The following SIK2 variants were observed in gnomAD, a reference collection of about 807,000 sequenced individuals.
The protein encoded by SIK2 is salt inducible kinase 2.
In SIK2, 29 loss-of-function variants were observed where a neutral mutation model predicts 103.2. That is an observed-to-expected ratio of 0.28 (90% CI 0.21 to 0.38). The LOEUF is 0.38. SIK2 is among the 10% of genes least tolerant of loss of function. The pLI is 1.00. For missense variants in SIK2, 879 were observed against 1,171.0 expected, an observed-to-expected ratio of 0.75 and a Z score of 3.64; for synonymous variants, 412 against 446.1, an observed-to-expected ratio of 0.92 and a Z score of 0.96.
At position 111,703,438 on chromosome 11, in the gene SIK2, G is replaced by A. The variant is rs747300081; in HGVS notation, c.948+15G>A. 2 of 1,611,480 alleles carry A rather than the reference G, an allele frequency of 1.2e-6. No individual in the cohort carries two copies. Among genetic ancestry groups the A allele is most frequent in the Admixed American group, 3.3e-5 (2 of 60,000 alleles). ...AAACCATTGAGGTAAAGTGATCAGA[G>A]ATTTCGGGGTTCTACTGCACTTAGC... is the stretch of plus-strand genomic sequence containing the variant. On this transcript the variant is annotated intron_variant, in intron 7 of 14. Coordinates refer to ENST00000304987, the MANE Select transcript of SIK2 (RefSeq NM_015191.3).
chr11:111,687,866 A>G, intron 3 of SIK2, 135 bp from the exon 4 acceptor site: 1 of 796,272 alleles, frequency 1.3e-6, no homozygotes, highest in South Asian at 1.8e-5. Context: ...CAGCCTCCCA[A>G]AGTGCTGGGA....
At position 111,688,632 on chromosome 11, in the gene SIK2, G is replaced by T. The variant is rs1428481098; in HGVS notation, c.478+470G>T. On this transcript the variant is annotated intron_variant, in intron 4 of 14. Coordinates refer to ENST00000304987, the MANE Select transcript of SIK2 (RefSeq NM_015191.3). The surrounding 1 kb of genome is among the most constrained non-coding windows in gnomAD (Gnocchi z 4.2). ...CCTTTCCTTGATCTGATACGATAGG[G>T]TTTTGATTTATAACATGAAAATTAA... 6.6e-6 allele frequency among the ~76,000 whole-genome samples: 1 copy of T among 152,226 alleles called. No individual in the cohort carries two copies. The highest frequency in any genetic ancestry group is 2.4e-5 in the African/African-American group (1 of 41,456).
intron 9 of SIK2, among the ~76,000 whole-genome samples, chr11:111,716,986 A>G (rs1943658511): frequency 6.6e-6 from 1 of 152,164 alleles, no homozygotes; most frequent in Non-Finnish European, 1.5e-5. Flanking sequence ...ACTTCTGAAA[A>G]GAAGACCTCA....
intron 4 of SIK2, among the ~76,000 whole-genome samples, chr11:111,696,389 G>A (rs1943070924): frequency 6.6e-6 from 1 of 152,052 alleles, no homozygotes; most frequent in South Asian, 2.1e-4. Context: ...CTGGGTGAAG[G>A]GTATGGGGAA....
At chr11:111,625,217 T>G (rs574519877) in intron 3 of SIK2, among the ~76,000 whole-genome samples, 1 of 152,146 alleles carries the variant, frequency 6.6e-6, no homozygotes, top group Non-Finnish European at 1.5e-5. Flanking sequence ...GCATCTAATG[T>G]ATCATTTTAA....
At position 111,638,212 on chromosome 11, in the gene SIK2, G is replaced by A. The variant is rs74623938; in HGVS notation, c.316+17810G>A. ...GGAATGCTAACGCATGTCAGTATCC[G>A]GTATGCATGTTTACTTAAGCTTTCT... On this transcript the variant is annotated intron_variant, in intron 3 of 14. Coordinates refer to ENST00000304987, the MANE Select transcript of SIK2 (RefSeq NM_015191.3). Among the ~76,000 whole-genome samples the A allele has an allele frequency of 8.0e-3, 1,214 of 152,278 alleles. 15 individuals carry two copies. Among genetic ancestry groups the A allele is most frequent in the South Asian group, 0.048 (232 of 4,824 alleles).
At chr11:111,614,084 C>T (rs1216942458) in intron 1 of SIK2, among the ~76,000 whole-genome samples, 8 of 111,580 alleles carry the variant, frequency 7.2e-5, no homozygotes, top group African/African-American at 1.6e-4. Flanking sequence ...ACTCTCCCCC[C>T]ATTTTTTTTT....
chr11:111,719,204 T>C (rs1446821326), intron 9 of SIK2, among the ~76,000 whole-genome samples: 1 of 152,226 alleles, frequency 6.6e-6, no homozygotes, highest in Non-Finnish European at 1.5e-5. Context: ...AGTCTGTCTA[T>C]ATAGAATTCT....
chr11:111,718,185 ATCT>A (rs561343248), intron 9 of SIK2, among the ~76,000 whole-genome samples: 31 of 152,354 alleles, frequency 2.0e-4, no homozygotes, highest in South Asian at 6.2e-4. Context: ...TTAATTAATG[ATCT>A]TCTTTTCTCT....
intron 3 of SIK2, among the ~76,000 whole-genome samples, chr11:111,681,979 CCCAGTAAG>C (rs889364097): frequency 1.3e-5 from 2 of 152,128 alleles, no homozygotes; most frequent in African/African-American, 4.8e-5. Context: ...AAGGGTAAGT[CCCAGTAAG>C]CCGTGTGTTA....
At chr11:111,613,756 A>G (rs948880005) in intron 1 of SIK2, among the ~76,000 whole-genome samples, 2 of 152,188 alleles carry the variant, frequency 1.3e-5, no homozygotes, top group African/African-American at 4.8e-5. Flanking sequence ...CACAGAACCT[A>G]TGTACTTTAC....
chr11:111,726,817 C>A lies in SIK2; in HGVS notation c.*2688C>A. On this transcript the variant is annotated 3_prime_UTR_variant, in exon 15 of 15. Transcript: ENST00000304987. ...ATTCACGTTAGCAGTGTGTACACTACTGTATCATCATCAGCTTCATCACCC... is the reference window on the plus strand; with the variant it reads ...ATTCACGTTAGCAGTGTGTACACTAATGTATCATCATCAGCTTCATCACCC... 1.4e-6 allele frequency: 1 copy of A among 699,308 alleles called. No homozygotes were observed. The highest frequency in any genetic ancestry group is 2.3e-5 in the Admixed American group (1 of 43,738). 43.3% of individuals were successfully genotyped at this position (699,308 alleles called of 1,614,324 possible).
At chr11:111,704,878 C>A in intron 7 of SIK2, 109 bp from the exon 8 acceptor site, 1 of 1,301,128 alleles carries the variant, frequency 7.7e-7, no homozygotes, top group South Asian at 1.5e-5. Flanking sequence ...TTGTTTTTCA[C>A]CCTATTTTTA....
At chr11:111,604,083 T>G (rs1941618089) in intron 1 of SIK2, among the ~76,000 whole-genome samples, 1 of 152,260 alleles carries the variant, frequency 6.6e-6, no homozygotes, top group African/African-American at 2.4e-5. Flanking sequence ...GTCAGATATT[T>G]TCTTCTCACA....
chr11:111,646,117 A>T (rs921066684), intron 3 of SIK2, among the ~76,000 whole-genome samples: 1 of 150,954 alleles, frequency 6.6e-6, no homozygotes, highest in African/African-American at 2.5e-5. Context: ...TTACAGCTTT[A>T]TTGAGGTATG....
intron 12 of SIK2, among the ~76,000 whole-genome samples, 199 bp from the exon 13 acceptor site, chr11:111,721,631 T>C (rs1943803772): frequency 6.6e-6 from 1 of 152,204 alleles, no homozygotes; most frequent in African/African-American, 2.4e-5. Flanking sequence ...TAGGTAATTG[T>C]TAACTAGAGA....
intron 3 of SIK2, among the ~76,000 whole-genome samples, chr11:111,646,693 T>G (rs1382754200): frequency 6.6e-6 from 1 of 152,232 alleles, no homozygotes; most frequent in African/African-American, 2.4e-5. Flanking sequence ...TAGAATTTAA[T>G]AGAAATAGAA....
intron 1 of SIK2, among the ~76,000 whole-genome samples, chr11:111,610,398 G>T (rs1295122114): frequency 2.0e-5 from 3 of 151,700 alleles, no homozygotes; most frequent in Admixed American, 2.0e-4. Flanking sequence ...GCTGAGGCAG[G>T]AGAATCACTT....
At chr11:111,698,123 T>C (rs1943121863) in intron 4 of SIK2, among the ~76,000 whole-genome samples, 1 of 152,196 alleles carries the variant, frequency 6.6e-6, no homozygotes, top group Non-Finnish European at 1.5e-5. Context: ...TCTTTTAATA[T>C]CCCTATAGAC....
Sources: allele counts gnomAD v4.1 joint callset (sites outside exome capture counted in the v4.1 genomes callset), GRCh38; gene constraint gnomAD v4.1.1; non-coding constraint Gnocchi (gnomAD v3.1); transcripts MANE v1.5; gene names NCBI Gene and HGNC (gene_info 2026-07-23, HGNC 2026-07-21).